Variants in VWA5A observed in about 807,000 individuals in gnomAD.
VWA5A encodes the protein von Willebrand factor A domain containing 5A.
Under a neutral mutation model 84.6 loss-of-function variants are expected in VWA5A, and 77 were observed. That is an observed-to-expected ratio of 0.91 (90% confidence interval 0.76 to 1.10). The LOEUF is 1.10. Among genes scored for constraint, VWA5A ranks in the 50% least tolerant of loss-of-function variants. The probability of loss-of-function intolerance (pLI) is 0.00; values close to 1 mark genes in which losing one functional copy is unlikely to be tolerated. For missense variants in VWA5A, 973 were observed against 963.0 expected (o/e 1.01, Z -0.14); for synonymous variants, 334 against 350.1 (o/e 0.95, Z 0.51).
chr11:124,119,009 A>T lies in VWA5A; in HGVS notation c.680A>T (p.Asp227Val), dbSNP rs906881959. ...GCTGCTGGACACAAGTTTGATCGGG[A>T]CGTGGAACTCCTGATTTACTACAAT... is the stretch of plus-strand genomic sequence containing the variant. ...SLAAGHKFDRDVELLIYYNEV... is the reference protein window; with the variant it reads ...SLAAGHKFDRVVELLIYYNEV... The change falls in exon 7 of 19, where the codon GAC becomes GTC. Residue 227 changes from aspartate to valine, a missense_variant. Physicochemically the swap from Asp to Val is radical, Grantham distance 152. Transcript: ENST00000456829. 1.9e-6 allele frequency: 3 copies of T among 1,614,140 alleles called. No homozygotes were observed. Among genetic ancestry groups the T allele is most frequent in the African/African-American group, 1.3e-5 (1 of 75,046 alleles).
intron 16 of VWA5A, among the ~76,000 whole-genome samples, chr11:124,142,204 C>T (rs549107310): frequency 1.3e-5 from 2 of 152,304 alleles, no homozygotes; most frequent in South Asian, 4.1e-4. Context: ...AGCTTGCCTG[C>T]GGGCTGCCCT....
At chr11:124,138,769 T>C (rs1413703611) in intron 15 of VWA5A, among the ~76,000 whole-genome samples, 1 of 152,236 alleles carries the variant, frequency 6.6e-6, no homozygotes, top group Non-Finnish European at 1.5e-5. Flanking sequence ...TTTTCTTTGC[T>C]ATACACAAGA....
chr11:124,138,730 C>T (rs1013516266), intron 15 of VWA5A, among the ~76,000 whole-genome samples: 7 of 152,118 alleles, frequency 4.6e-5, no homozygotes, highest in South Asian at 4.1e-4. Context: ...TCTCCCATTC[C>T]GTAGGTTGTT....
chr11:124,137,093 T>TA lies in VWA5A; in HGVS notation c.1710dup (p.Asp571ArgfsTer6). The TA allele has an allele frequency of 6.2e-7, 1 of 1,613,520 alleles. No individual in the cohort carries two copies. Among genetic ancestry groups the TA allele is most frequent in the Non-Finnish European group, 8.5e-7 (1 of 1,179,894 alleles). On this transcript the variant is annotated frameshift_variant, in exon 15 of 19. Coordinates refer to ENST00000456829, the MANE Select transcript of VWA5A (RefSeq NM_001130142.2). LOFTEE classifies it high-confidence loss of function. ...GCCTCAGGGAGACTCCAGCAAGTGA[T>TA]AAAAAAGATGCATTGAACCTTAGCC...
In VWA5A at chr11:124,145,245, T is replaced by C. The variant is rs757524868; in HGVS notation, c.2163T>C (p.Asp721=). ...CTCTATCTACTGTGCAGCTTGTGGA[T>C]TCCTCAGGCTGGGCCACCATCCTGG... ...IMAAQPAELV[D]SSGWATILAV... The change falls in exon 18 of 19, where the codon GAT becomes GAC. Residue 721 remains aspartate (D), a synonymous_variant. Transcript: ENST00000456829. 1.2e-6 allele frequency: 2 copies of C among 1,613,098 alleles called. No individual in the cohort carries two copies. The highest frequency in any genetic ancestry group is 4.5e-5 in the East Asian group (2 of 44,834).
At chr11:124,142,177 G>A (rs1263620795) in intron 16 of VWA5A, among the ~76,000 whole-genome samples, 2 of 152,138 alleles carry the variant, frequency 1.3e-5, no homozygotes, top group East Asian at 3.9e-4. Context: ...AACCCCCTTG[G>A]CCATCTCAGC....
chr11:124,117,374 C>T, intron 2 of VWA5A, 123 bp from the exon 3 acceptor site: 1 of 977,458 alleles, frequency 1.0e-6, no homozygotes, highest in Admixed American at 2.0e-5. Flanking sequence ...AAGGTTCCAA[C>T]TTCCTAACTC....
At chr11:124,124,075 G>T (rs1435044200) in intron 10 of VWA5A, among the ~76,000 whole-genome samples, 162 bp from the exon 11 acceptor site, 1 of 152,232 alleles carries the variant, frequency 6.6e-6, no homozygotes, top group Non-Finnish European at 1.5e-5. Flanking sequence ...AACAGATCAT[G>T]TGAGAATGTG....
intron 10 of VWA5A, 41 bp from the exon 11 acceptor site, chr11:124,124,196 A>C: frequency 6.3e-7 from 1 of 1,595,738 alleles, no homozygotes; most frequent in Non-Finnish European, 8.6e-7. Context: ...CTTAAAAAGA[A>C]CTTGACAAAG....
chr11:124,135,592 G>A (rs1591363556), intron 12 of VWA5A, among the ~76,000 whole-genome samples: 1 of 137,846 alleles, frequency 7.3e-6, no homozygotes. Context: ...GTGCAGTGGC[G>A]GGATCTCGGC....
At chr11:124,139,246 T>A (rs1860679728) in intron 15 of VWA5A, among the ~76,000 whole-genome samples, 2 of 151,910 alleles carry the variant, frequency 1.3e-5, no homozygotes, top group South Asian at 4.1e-4. Context: ...TGTGTGTGTG[T>A]GTGTGTGTGT....
intron 15 of VWA5A, among the ~76,000 whole-genome samples, chr11:124,137,517 G>A (rs1860633240): frequency 6.6e-6 from 1 of 152,168 alleles, no homozygotes; most frequent in Non-Finnish European, 1.5e-5. Flanking sequence ...GAAAGTGCAG[G>A]TAAACCCTGA....
rs754615179 is a variant in VWA5A at position 124,124,315 on chromosome 11, A to G, written c.1243A>G (p.Arg415Gly). 8.7e-6 allele frequency: 14 copies of G among 1,613,708 alleles called. No individual in the cohort carries two copies. In the Admixed American group the frequency reaches 2.2e-4, roughly 25 times the overall value. ...KEVRINRQKH[R>G]CFSFGIGEGT... ...AGTTAGGATCAACAGACAGAAACAC[A>G]GGTAGGAAGAAAATGTGATTTCCGG... is the stretch of plus-strand genomic sequence containing the variant. Residue 415 changes from arginine (R) to glycine (G), a missense_variant and splice_region_variant, in exon 11 of 19, where the codon AGG becomes GGG. Arg to Gly is a moderately radical substitution (Grantham distance 125). Coordinates refer to ENST00000456829, the MANE Select transcript of VWA5A (RefSeq NM_001130142.2).
chr11:124,132,056 T>C (rs968744056), intron 11 of VWA5A, among the ~76,000 whole-genome samples: 2 of 152,040 alleles, frequency 1.3e-5, no homozygotes, highest in African/African-American at 4.8e-5. Context: ...GAATAATTAA[T>C]GATTGTTAAA....
intron 4 of VWA5A, 71 bp from the exon 5 acceptor site, chr11:124,118,118 C>A: frequency 6.6e-7 from 1 of 1,519,038 alleles, no homozygotes; most frequent in Non-Finnish European, 8.9e-7. Context: ...CTCTGCACTG[C>A]TCGTCTCTTT....
chr11:124,122,814 T>A, intron 7 of VWA5A, 146 bp from the exon 8 acceptor site: 1 of 743,452 alleles, frequency 1.3e-6, no homozygotes, highest in East Asian at 2.6e-5. Context: ...TTGACCCCAT[T>A]GCAAGCAGTT....
At chr11:124,119,424 TATC>T (rs1353921711) in intron 7 of VWA5A, among the ~76,000 whole-genome samples, 1 of 152,256 alleles carries the variant, frequency 6.6e-6, no homozygotes, top group Non-Finnish European at 1.5e-5. Flanking sequence ...CCTTTCAAAT[TATC>T]AACGATTTCC....
At chr11:124,132,024 TC>T in intron 11 of VWA5A, among the ~76,000 whole-genome samples, 1 of 152,140 alleles carries the variant, frequency 6.6e-6, no homozygotes, top group Admixed American at 6.5e-5. Flanking sequence ...GGTTCTTTTC[TC>T]TCTTTTCTTT....
chr11:124,130,683 T>G (rs978754611), intron 11 of VWA5A, among the ~76,000 whole-genome samples: 2 of 152,188 alleles, frequency 1.3e-5, no homozygotes, highest in African/African-American at 4.8e-5. Context: ...GCATATATAT[T>G]TAGGATAGTT....
Sources: allele counts gnomAD v4.1 joint callset (sites outside exome capture counted in the v4.1 genomes callset), GRCh38; gene constraint gnomAD v4.1.1; transcripts MANE v1.5; gene names NCBI Gene and HGNC (gene_info 2026-07-23, HGNC 2026-07-21).